Variants in KMT5B observed in about 807,000 individuals in gnomAD.
The protein encoded by KMT5B is histone-lysine N-methyltransferase KMT5B.
KMT5B carries 10 observed loss-of-function variants against 83.2 expected under a neutral mutation model. That is an observed-to-expected ratio of 0.12 (90% CI 0.07 to 0.20). The LOEUF is 0.20. Among genes scored for constraint, KMT5B ranks in the 10% least tolerant of loss-of-function variants. KMT5B has a pLI of 1.00. For synonymous variants in KMT5B, 349 were observed against 388.8 expected, an observed-to-expected ratio of 0.90 and a Z score of 1.20; for missense variants, 753 against 1,067.2, an observed-to-expected ratio of 0.71 and a Z score of 4.10.
intron 10 of KMT5B, chr11:68,165,828 G>A (rs909346130): frequency 1.8e-5 from 29 of 1,609,938 alleles, no homozygotes; most frequent in East Asian, 6.7e-5. Flanking sequence ...GGGCTACAGC[G>A]CTGCTTTTAT....
At chr11:68,202,756 T>C (rs1423581886) in intron 1 of KMT5B, among the ~76,000 whole-genome samples, 1 of 151,838 alleles carries the variant, frequency 6.6e-6, no homozygotes, top group Non-Finnish European at 1.5e-5. Context: ...ACCATGTTGG[T>C]TGGGCTGGTC....
At chr11:68,173,101 C>T (rs1274767854) in intron 6 of KMT5B, among the ~76,000 whole-genome samples, 1 of 152,106 alleles carries the variant, frequency 6.6e-6, no homozygotes, top group Admixed American at 6.5e-5. Flanking sequence ...AGTGCAGTGG[C>T]GCGATCTCAG....
In KMT5B at chr11:68,208,522, C is replaced by T. The variant is rs115118307; in HGVS notation, c.-77+4616G>A. ...TAAAACTCTAGAGCAAAATAGACAT[C>T]GTTCCTGACTGCATAGAGGTCAGAG... On this transcript the variant is annotated intron_variant, in intron 1 of 10. Coordinates refer to ENST00000304363, the MANE Select transcript of KMT5B (RefSeq NM_017635.5). 3.0e-3 allele frequency among the ~76,000 whole-genome samples: 457 copies of T among 152,134 alleles called. 5 individuals are homozygous for T. Among genetic ancestry groups the T allele is most frequent in the African/African-American group, 0.01 (421 of 41,498 alleles).
At chr11:68,174,720 T>G (rs1375630740) in intron 5 of KMT5B, among the ~76,000 whole-genome samples, 1 of 152,070 alleles carries the variant, frequency 6.6e-6, no homozygotes, top group Non-Finnish European at 1.5e-5. Flanking sequence ...TTATTCTTAT[T>G]TTTTTAGAGA....
intron 10 of KMT5B, among the ~76,000 whole-genome samples, chr11:68,160,282 C>T (rs980731317): frequency 1.3e-5 from 2 of 152,178 alleles, no homozygotes; most frequent in African/African-American, 4.8e-5. Flanking sequence ...TCTGACCTTG[C>T]CACTGACTTT....
upstream of KMT5B, chr11:68,213,554 C>G (rs1162751141): frequency 6.6e-6 from 1 of 152,086 alleles, no homozygotes; most frequent in African/African-American, 2.4e-5. Context: ...GTGCGCCGCG[C>G]GGTGCCGCCT....
chr11:68,213,043 G>C (rs1320795831), intron 1 of KMT5B, 95 bp downstream of exon 1: 5 of 84,824 alleles, frequency 5.9e-5, no homozygotes, highest in Non-Finnish European at 2.2e-5. Flanking sequence ...CCCTGCGACC[G>C]GCCTGGGCCC....
chr11:68,157,887 T>G lies in KMT5B; in HGVS notation c.2459A>C (p.Gln820Pro). 6.2e-7 allele frequency: 1 copy of G among 1,613,948 alleles called. No individual in the cohort carries two copies. Among genetic ancestry groups the G allele is most frequent in the Non-Finnish European group, 8.5e-7 (1 of 1,179,834 alleles). ...ESRMEVDDYS[Q>P]YEEESTDDSS... Reference sequence around the variant, plus strand: ...ATCATCTGTACTTTCTTCCTCATACTGACTATAGTCATCCACCTCCATTCG... The same window carrying G: ...ATCATCTGTACTTTCTTCCTCATACGGACTATAGTCATCCACCTCCATTCG... The change falls in exon 11 of 11, where the codon CAG becomes CCG. Residue 820 changes from glutamine to proline, a missense_variant. Transcript: ENST00000304363.
At chr11:68,182,256 G>C (rs543955363) in intron 3 of KMT5B, among the ~76,000 whole-genome samples, 1 of 152,088 alleles carries the variant, frequency 6.6e-6, no homozygotes. Context: ...CACTTAGCAC[G>C]TCACAATGAA....
intron 10 of KMT5B, chr11:68,165,861 T>G: frequency 6.2e-7 from 1 of 1,612,884 alleles, no homozygotes; most frequent in Non-Finnish European, 8.5e-7. Context: ...ATGCTTGGAC[T>G]CTGACTCCCA....
chr11:68,183,869 A>T (rs1043339494), intron 3 of KMT5B, among the ~76,000 whole-genome samples: 1 of 151,632 alleles, frequency 6.6e-6, no homozygotes, highest in Non-Finnish European at 1.5e-5. Context: ...CATGTTGGCC[A>T]GGCTGGTCTC....
At chr11:68,179,675 G>C in intron 4 of KMT5B, 1 of 1,142,010 alleles carries the variant, frequency 8.8e-7, no homozygotes, top group Non-Finnish European at 1.1e-6. Flanking sequence ...AAGGAGAGAG[G>C]AAGAGAGAAA....
chr11:68,182,210 T>C (rs1857000424), intron 3 of KMT5B, among the ~76,000 whole-genome samples: 1 of 152,200 alleles, frequency 6.6e-6, no homozygotes, highest in Non-Finnish European at 1.5e-5. Flanking sequence ...TAGTTTTACG[T>C]GAGCCCTAGG....
At chr11:68,172,228 ATTTAT>A (rs556266998) in intron 6 of KMT5B, among the ~76,000 whole-genome samples, 37 of 152,158 alleles carry the variant, frequency 2.4e-4, no homozygotes, top group African/African-American at 6.0e-4. Flanking sequence ...TACTTTAACA[ATTTAT>A]TTTATTTTAT....
intron 6 of KMT5B, among the ~76,000 whole-genome samples, chr11:68,173,578 A>G (rs1367807532): frequency 6.6e-6 from 1 of 152,166 alleles, no homozygotes; most frequent in East Asian, 1.9e-4. Flanking sequence ...CAGAGTCAAT[A>G]AAGGAAAATG....
intron 1 of KMT5B, among the ~76,000 whole-genome samples, chr11:68,201,111 T>C (rs1000115536): frequency 6.6e-5 from 10 of 152,116 alleles, no homozygotes; most frequent in Admixed American, 1.3e-4. Flanking sequence ...CAAGAATGAT[T>C]TCCAGTTGTA....
At chr11:68,175,910 AGTT>A (rs1182443462) in intron 4 of KMT5B, among the ~76,000 whole-genome samples, 3 of 145,910 alleles carry the variant, frequency 2.1e-5, no homozygotes, top group Non-Finnish European at 3.0e-5. Flanking sequence ...GATGGGGTAG[AGTT>A]GTTTTTTTTT....
intron 3 of KMT5B, 45 bp from the exon 4 acceptor site, chr11:68,180,245 T>C: frequency 6.5e-7 from 1 of 1,533,534 alleles, no homozygotes; most frequent in Non-Finnish European, 8.9e-7. Context: ...AAGCTATTTG[T>C]ATAATCTGTA....
chr11:68,192,706 C>T (rs1308847854), intron 1 of KMT5B, among the ~76,000 whole-genome samples: 1 of 152,148 alleles, frequency 6.6e-6, no homozygotes, highest in Non-Finnish European at 1.5e-5. Flanking sequence ...GCTGGCTACT[C>T]ATCACCACAA....
Sources: gnomAD v4.1 joint callset for allele counts (sites outside exome capture counted in the v4.1 genomes callset) on GRCh38, gnomAD v4.1.1 for gene constraint, MANE v1.5 for transcripts, NCBI Gene and HGNC (gene_info 2026-07-23, HGNC 2026-07-21) for gene names.